PAQR7: variants seen among roughly 807,000 people sequenced by gnomAD.
PAQR7 encodes the protein membrane progestin receptor alpha.
In PAQR7, 14 loss-of-function variants were observed where a neutral mutation model predicts 24.6. The ratio of observed to expected loss-of-function variants is 0.57; its 90% CI spans 0.38 to 0.89. PAQR7 has a LOEUF of 0.89. Ranked by LOEUF, PAQR7 falls within the 40% of genes least tolerant of loss-of-function variation. PAQR7 has a pLI of 0.00. For missense variants in PAQR7, 351 were observed against 444.0 expected, an observed-to-expected ratio of 0.79 and a Z score of 1.88; for synonymous variants, 189 against 198.8, an observed-to-expected ratio of 0.95 and a Z score of 0.42.
Position 25,863,283 on chromosome 1 carries a change from C to T in PAQR7, c.557G>A (p.Cys186Tyr), listed in dbSNP as rs1287268274. 1 of 1,614,232 alleles carries T rather than the reference C, an allele frequency of 6.2e-7. No individual in the cohort carries two copies. Among genetic ancestry groups the T allele is most frequent in the South Asian group, 1.1e-5 (1 of 91,088 alleles). Residue 186 changes from cysteine to tyrosine, a missense_variant, in exon 3 of 3, where the codon TGC becomes TAC. Coordinates refer to ENST00000675840, the MANE Select transcript of PAQR7 (RefSeq NM_178422.6). This position sits in a 1 kb window ranked among gnomAD's most constrained non-coding sequence, Gnocchi z 6.1. ...GTACTTGTTATAGCAGGAGCCAATG[C>T]AGGAAAGCCAGGCGAGAAAGGCAGC... is the stretch of plus-strand genomic sequence containing the variant. ...PMAAFLAWLS[C>Y]IGSCYNKYIQ...
intron 1 of PAQR7, chr1:25,870,966 A>G (rs886098741): frequency 1.3e-5 from 2 of 152,162 alleles, no homozygotes; most frequent in Non-Finnish European, 1.5e-5. Context: ...GACTCAACAA[A>G]TATTGCAATT....
At position 25,873,267 on chromosome 1, in the gene PAQR7, A is replaced by G. The variant is rs552026431; in HGVS notation, c.-109+2221T>C. 7.2e-5 allele frequency among the ~76,000 whole-genome samples: 11 copies of G among 152,322 alleles called. No homozygotes were observed. The South Asian group carries it at 2.3e-3, about 32-fold the overall frequency. Reference sequence around the variant, plus strand: ...CTGGGAGCCCAGCCCTGGAGGCGGGAGGGCAGAGCACATCTATCTGACTCC... The same window carrying G: ...CTGGGAGCCCAGCCCTGGAGGCGGGGGGGCAGAGCACATCTATCTGACTCC... On this transcript the variant is annotated intron_variant, in intron 1 of 2. Transcript: ENST00000675840.
intron 2 of PAQR7, among the ~76,000 whole-genome samples, chr1:25,865,384 GAAC>G (rs760936200): frequency 2.4e-4 from 37 of 151,946 alleles, no homozygotes; most frequent in Admixed American, 7.2e-4. Context: ...CTGAATGAAA[GAAC>G]AACATGACCG....
chr1:25,863,721 G>C lies in PAQR7; in HGVS notation c.119C>G (p.Pro40Arg). 5 of 1,614,094 alleles carry C rather than the reference G, an allele frequency of 3.1e-6. No individual in the cohort carries two copies. The highest frequency in any genetic ancestry group is 3.4e-6 in the Non-Finnish European group (4 of 1,180,034). The change falls in exon 3 of 3, where the codon CCG (proline) becomes CGG (arginine). Residue 40 changes from proline (P) to arginine (R), a missense_variant. Transcript: ENST00000675840. The surrounding 1 kb of genome is among the most constrained non-coding windows in gnomAD (Gnocchi z 6.1). ...VFTVDRAEVP[P>R]LFWKPYIYAG... ...ATAGATGTACGGCTTCCAGAAGAGC[G>C]GCGGCACCTCAGCTCGATCCACCGT...
rs147112244 is a variant in PAQR7 at position 25,869,428 on chromosome 1, C to T, written c.-23+1181G>A. 2.0e-3 allele frequency among the ~76,000 whole-genome samples: 311 copies of T among 151,948 alleles called. 9 individuals are homozygous for T. Among genetic ancestry groups the T allele is most frequent in the Middle Eastern group, 3.4e-3 (1 of 294 alleles). On this transcript the variant is annotated intron_variant, in intron 2 of 2. Coordinates refer to ENST00000675840, the MANE Select transcript of PAQR7 (RefSeq NM_178422.6). ...GTCTACTAAAAATACAAAAATTAGC[C>T]GGGCATGGTGGTGCATGCTTGTAAT...
intron 2 of PAQR7, among the ~76,000 whole-genome samples, chr1:25,865,996 A>G (rs181166864): frequency 6.6e-5 from 10 of 151,900 alleles, no homozygotes; most frequent in African/African-American, 2.2e-4. Flanking sequence ...CAAAAAAAAA[A>G]AAAAAGAAAA....
chr1:25,870,796 G>C (rs1484647186), intron 1 of PAQR7, 102 bp from the exon 2 acceptor site: 1 of 152,168 alleles, frequency 6.6e-6, no homozygotes, highest in African/African-American at 2.4e-5. Context: ...AGACAAACCA[G>C]GTTTGACTCC....
chr1:25,873,289 C>T (rs1027926572), intron 1 of PAQR7, among the ~76,000 whole-genome samples: 1 of 152,236 alleles, frequency 6.6e-6, no homozygotes, highest in Non-Finnish European at 1.5e-5. Flanking sequence ...ATCTATCTGA[C>T]TCCAAAACCA....
In PAQR7 at chr1:25,862,730, C is replaced by T. The variant is rs550428666; in HGVS notation, c.*69G>A. Reference sequence around the variant, plus strand: ...CAAACAACTTTACCAGGCCTTGTTCCCACCTGGAGCCAAACCCAGACCCCT... The same window carrying T: ...CAAACAACTTTACCAGGCCTTGTTCTCACCTGGAGCCAAACCCAGACCCCT... On this transcript the variant is annotated 3_prime_UTR_variant, in exon 3 of 3. Transcript: ENST00000675840. The T allele has an allele frequency of 2.0e-6, 3 of 1,483,746 alleles. No homozygotes were observed. The East Asian group carries it at 6.8e-5, about 34-fold the overall frequency. 91.9% of individuals were successfully genotyped at this position (1,483,746 alleles called of 1,614,324 possible).
chr1:25,866,634 T>C (rs892798032), intron 2 of PAQR7, among the ~76,000 whole-genome samples: 4 of 152,200 alleles, frequency 2.6e-5, no homozygotes, highest in Middle Eastern at 3.2e-3. Context: ...GTAAGGAAAC[T>C]GAAGTACAGA....
At chr1:25,869,241 C>A (rs1232579985) in intron 2 of PAQR7, among the ~76,000 whole-genome samples, 3 of 151,874 alleles carry the variant, frequency 2.0e-5, no homozygotes, top group Non-Finnish European at 4.4e-5. Context: ...TACTATTCTG[C>A]CCATTTTGTT....
chr1:25,873,542 T>G (rs2048621540), intron 1 of PAQR7, among the ~76,000 whole-genome samples: 1 of 151,954 alleles, frequency 6.6e-6, no homozygotes, highest in South Asian at 2.1e-4. Context: ...GGGACCTCCA[T>G]GTATTTGTAC....
chr1:25,872,269 C>G (rs971396618), intron 1 of PAQR7, among the ~76,000 whole-genome samples: 1 of 152,154 alleles, frequency 6.6e-6, no homozygotes, highest in African/African-American at 2.4e-5. Context: ...GCCACTCAAT[C>G]CCTGTGTGAC....
chr1:25,869,081 C>T (rs1293018483), intron 2 of PAQR7, among the ~76,000 whole-genome samples: 5 of 151,470 alleles, frequency 3.3e-5, no homozygotes, highest in Non-Finnish European at 7.4e-5. Context: ...GAGCCAAGAT[C>T]GCACTACTGC....
At position 25,862,982 on chromosome 1, in the gene PAQR7, C is replaced by A. The variant is rs148945595; in HGVS notation, c.858G>T (p.Thr286=). Residue 286 remains threonine, a synonymous_variant, in exon 3 of 3, where the codon ACG becomes ACT. Transcript: ENST00000675840. ...GTGCCACAGCCTCCAGCTGAGCCAGCGTGCACAGCACCAAGAAGATGTGGA... is the reference window on the plus strand; with the variant it reads ...GTGCCACAGCCTCCAGCTGAGCCAGAGTGCACAGCACCAAGAAGATGTGGA... ...QLFHIFLVLC[T]LAQLEAVALD... is the part of the protein sequence containing the mutation. 44 of 1,614,174 alleles carry A rather than the reference C, an allele frequency of 2.7e-5. No individual in the cohort carries two copies. The African/African-American group carries it at 4.7e-4, about 17-fold the overall frequency.
chr1:25,864,396 C>T (rs1262678298), intron 2 of PAQR7, among the ~76,000 whole-genome samples: 1 of 152,152 alleles, frequency 6.6e-6, no homozygotes, highest in Non-Finnish European at 1.5e-5. Flanking sequence ...GTCCCTGCTA[C>T]CCTCTCCAGT....
intron 2 of PAQR7, among the ~76,000 whole-genome samples, chr1:25,866,698 C>G (rs2048559779): frequency 6.6e-6 from 1 of 152,104 alleles, no homozygotes; most frequent in African/African-American, 2.4e-5. Flanking sequence ...ATGGCAGAGG[C>G]ATGCTCTGAA....
intron 2 of PAQR7, among the ~76,000 whole-genome samples, chr1:25,869,812 G>A (rs2048589102): frequency 6.6e-6 from 1 of 152,266 alleles, no homozygotes; most frequent in Non-Finnish European, 1.5e-5. Flanking sequence ...GTCTCCCTCA[G>A]TTGCTGGCTA....
Position 25,863,345 on chromosome 1 carries a change from GGCGGGCTCGATA to G in PAQR7, c.483_494del (p.Ile162_Ala165del). On this transcript the variant is annotated inframe_deletion, in exon 3 of 3. Transcript: ENST00000675840. The surrounding 1 kb of genome is among the most constrained non-coding windows in gnomAD (Gnocchi z 6.1). ...AAACAGCCTGCACCTGGGCATGCCAGGCGGGCTCGATAGCATAGTAGAAGTGTGCCAAGGCAC... is the reference window on the plus strand; with the variant it reads ...AAACAGCCTGCACCTGGGCATGCCAGGCATAGTAGAAGTGTGCCAAGGCAC... The G allele has an allele frequency of 6.2e-7, 1 of 1,614,238 alleles. No individual in the cohort carries two copies. The highest frequency in any genetic ancestry group is 2.2e-5 in the East Asian group (1 of 44,874).
Sources: gnomAD v4.1 joint callset for allele counts (sites outside exome capture counted in the v4.1 genomes callset) on GRCh38, gnomAD v4.1.1 for gene constraint, Gnocchi (gnomAD v3.1) non-coding constraint, MANE v1.5 for transcripts, NCBI Gene and HGNC (gene_info 2026-07-23, HGNC 2026-07-21) for gene names.